CYP7B1: variants seen among roughly 807,000 people sequenced by gnomAD.
CYP7B1 encodes cytochrome P450 family 7 subfamily B member 1, also known as cytochrome P450 7B1.
A neutral mutation model predicts 42.7 loss-of-function variants in CYP7B1; 29 were observed. The observed-to-expected ratio is 0.68, with a 90% CI of 0.51 to 0.93. The LOEUF (loss-of-function observed/expected upper bound fraction) is 0.93, where lower values mean the gene tolerates loss of function less well. CYP7B1 is among the 40% of genes least tolerant of loss of function. CYP7B1 has a pLI of 0.00. For missense variants in CYP7B1, 655 were observed against 600.5 expected (o/e 1.09, Z -0.95); for synonymous variants, 235 against 218.2 (o/e 1.08, Z -0.68).
intron 1 of CYP7B1, among the ~76,000 whole-genome samples, chr8:64,745,891 C>G (rs138907952): frequency 3.7e-4 from 56 of 152,126 alleles, no homozygotes; most frequent in Admixed American, 1.9e-3. Context: ...TCATCTAAAG[C>G]GTCCCTTTGC....
chr8:64,708,550 T>G (rs1490499650), intron 1 of CYP7B1, among the ~76,000 whole-genome samples: 2 of 152,208 alleles, frequency 1.3e-5, no homozygotes, highest in African/African-American at 4.8e-5. Flanking sequence ...CGTTTCAGTT[T>G]GTTGCTTTAT....
downstream of CYP7B1, among the ~76,000 whole-genome samples, chr8:64,588,763 T>C (rs906157046): frequency 1.3e-5 from 2 of 152,216 alleles, no homozygotes; most frequent in Non-Finnish European, 2.9e-5. Flanking sequence ...ATTTCTGCAG[T>C]AGTACTATGG....
intron 1 of CYP7B1, among the ~76,000 whole-genome samples, chr8:64,796,600 C>T: frequency 6.6e-6 from 1 of 152,112 alleles, no homozygotes. Flanking sequence ...ATAACAACTC[C>T]ACCATCTTAC....
At chr8:64,761,998 G>T (rs1456096904) in intron 1 of CYP7B1, among the ~76,000 whole-genome samples, 2 of 152,170 alleles carry the variant, frequency 1.3e-5, no homozygotes, top group Non-Finnish European at 2.9e-5. Context: ...ATGTTCCAAA[G>T]TTGAAGTTCT....
intron 4 of CYP7B1, 135 bp from the exon 5 acceptor site, chr8:64,604,992 C>T (rs1047593157): frequency 4.7e-6 from 5 of 1,059,810 alleles, no homozygotes; most frequent in Non-Finnish European, 7.0e-6. Context: ...CATTGAGCAC[C>T]AAGAGGGAGC....
chr8:64,589,381 GT>G (rs972633216), downstream of CYP7B1, among the ~76,000 whole-genome samples: 1 of 151,894 alleles, frequency 6.6e-6, no homozygotes, highest in Admixed American at 6.6e-5. Context: ...AAAATAAAAA[GT>G]TTTTTTTAAA....
At chr8:64,691,542 T>C (rs1806745907) in intron 1 of CYP7B1, among the ~76,000 whole-genome samples, 1 of 148,364 alleles carries the variant, frequency 6.7e-6, no homozygotes, top group African/African-American at 2.5e-5. Flanking sequence ...CCTTTTCAAC[T>C]GTAAATGCAA....
rs75180692 is a variant in CYP7B1 at position 64,743,158 on chromosome 8, C to T, written c.122+55308G>A. On this transcript the variant is annotated intron_variant, in intron 1 of 5. Transcript: ENST00000310193. ...CAAATAAACAAAAAAACAAACAAAA[C>T]ATTTTCCATTTTTTTAATATTTAAA... Among the ~76,000 whole-genome samples, 24 of 152,208 alleles carry T rather than the reference C, an allele frequency of 1.6e-4. No homozygotes were observed. In the East Asian group the frequency reaches 4.6e-3, roughly 29 times the overall value.
chr8:64,649,962 C>T (rs1312233259), intron 1 of CYP7B1, among the ~76,000 whole-genome samples: 1 of 152,148 alleles, frequency 6.6e-6, no homozygotes, highest in Non-Finnish European at 1.5e-5. Context: ...GATATTAACA[C>T]ATCATCAGAC....
chr8:64,711,372 T>C (rs929715735), intron 1 of CYP7B1, among the ~76,000 whole-genome samples: 5 of 152,194 alleles, frequency 3.3e-5, no homozygotes, highest in Non-Finnish European at 2.9e-5. Context: ...GTGGCCTCAC[T>C]GCCTGGGACC....
intron 1 of CYP7B1, among the ~76,000 whole-genome samples, chr8:64,728,700 T>C (rs1043652088): frequency 3.3e-5 from 5 of 152,170 alleles, no homozygotes; most frequent in African/African-American, 1.2e-4. Context: ...GAATGATTAT[T>C]ATCGTTAAGA....
intron 1 of CYP7B1, among the ~76,000 whole-genome samples, chr8:64,696,419 C>T: frequency 6.6e-6 from 1 of 152,206 alleles, no homozygotes; most frequent in Non-Finnish European, 1.5e-5. Flanking sequence ...AAACTATAAA[C>T]TGCAAAGCAA....
intron 1 of CYP7B1, among the ~76,000 whole-genome samples, chr8:64,656,638 T>A (rs1265740315): frequency 2.0e-5 from 3 of 152,244 alleles, no homozygotes; most frequent in Non-Finnish European, 4.4e-5. Flanking sequence ...GAAAGTATTG[T>A]TCTGAATGAG....
intron 1 of CYP7B1, among the ~76,000 whole-genome samples, chr8:64,740,651 T>C (rs75599099): frequency 0.015 from 2,275 of 151,898 alleles, 23 homozygotes; most frequent in Non-Finnish European, 0.024. Flanking sequence ...TTGCCAATAT[T>C]AGAAATGAAA....
intron 1 of CYP7B1, among the ~76,000 whole-genome samples, chr8:64,769,728 T>C (rs1204540044): frequency 1.3e-5 from 2 of 152,190 alleles, no homozygotes; most frequent in African/African-American, 2.4e-5. Flanking sequence ...CCAAGGCAAA[T>C]TGATCGCTTT....
chr8:64,712,711 C>G (rs1389143514), intron 1 of CYP7B1, among the ~76,000 whole-genome samples: 1 of 150,088 alleles, frequency 6.7e-6, no homozygotes, highest in Non-Finnish European at 1.5e-5. Context: ...TACATATATA[C>G]ATTTTCTCAT....
intron 1 of CYP7B1, among the ~76,000 whole-genome samples, chr8:64,739,332 T>C (rs141518851): frequency 1.7e-4 from 26 of 152,274 alleles, no homozygotes; most frequent in African/African-American, 6.0e-4. Context: ...ATAATGGTAG[T>C]TTACTGGGAA....
At chr8:64,714,904 C>G (rs998425725) in intron 1 of CYP7B1, among the ~76,000 whole-genome samples, 5 of 152,038 alleles carry the variant, frequency 3.3e-5, no homozygotes, top group African/African-American at 1.2e-4. Context: ...TCCTTTCTCC[C>G]AATGTATGAA....
chr8:64,610,136 T>G (rs1204008928), intron 4 of CYP7B1, among the ~76,000 whole-genome samples: 2 of 152,220 alleles, frequency 1.3e-5, no homozygotes, highest in Non-Finnish European at 2.9e-5. Flanking sequence ...ATAATTTGCA[T>G]TTTAATTAAA....
Sources: gnomAD v4.1 joint callset for allele counts (sites outside exome capture counted in the v4.1 genomes callset) on GRCh38, gnomAD v4.1.1 for gene constraint, MANE v1.5 for transcripts, NCBI Gene and HGNC (gene_info 2026-07-23, HGNC 2026-07-21) for gene names.